Variants in NUP93 observed in about 807,000 individuals in gnomAD.
NUP93 encodes nuclear pore complex protein Nup93.
In NUP93, 55 loss-of-function variants were observed where a neutral mutation model predicts 107.8. The observed-to-expected ratio is 0.51, with a 90% CI of 0.41 to 0.64. The LOEUF is 0.64. Among genes scored for constraint, NUP93 ranks in the 30% least tolerant of loss-of-function variants. NUP93 has a pLI of 0.00. For synonymous variants in NUP93, 390 were observed against 397.5 expected (o/e 0.98, Z 0.22); for missense variants, 937 against 1,044.7 (o/e 0.90, Z 1.42).
At chr16:56,821,653 A>G (rs557682483) in intron 7 of NUP93, 60 bp downstream of exon 7, 54 of 1,104,070 alleles carry the variant, frequency 4.9e-5, no homozygotes, top group African/African-American at 1.4e-4. Context: ...GGGCCTAGCA[A>G]CTTGCCGATT....
At chr16:56,742,690 G>C (rs1356913169) in intron 1 of NUP93, among the ~76,000 whole-genome samples, 3 of 152,180 alleles carry the variant, frequency 2.0e-5, no homozygotes, top group Non-Finnish European at 4.4e-5. Flanking sequence ...AGGATGGATG[G>C]CTCTGAGGCT....
chr16:56,801,415 C>A (rs1407107141), intron 4 of NUP93, among the ~76,000 whole-genome samples: 1 of 151,950 alleles, frequency 6.6e-6, no homozygotes, highest in African/African-American at 2.4e-5. Flanking sequence ...GATATTGGAT[C>A]ATTTATTTAT....
At chr16:56,843,011 T>C (rs1163452205) in intron 21 of NUP93, among the ~76,000 whole-genome samples, 1 of 152,242 alleles carries the variant, frequency 6.6e-6, no homozygotes, top group East Asian at 1.9e-4. Context: ...CTCTTTCCAC[T>C]GTGACCCCAC....
chr16:56,747,838 T>C (rs561979813), intron 1 of NUP93: 1 of 154,842 alleles, frequency 6.5e-6, no homozygotes, highest in South Asian at 2.0e-4. Context: ...AGTGTTTTTC[T>C]AAGATGGGTG....
At chr16:56,790,435 G>A (rs926103496) in intron 3 of NUP93, among the ~76,000 whole-genome samples, 8 of 152,124 alleles carry the variant, frequency 5.3e-5, no homozygotes, top group African/African-American at 1.9e-4. Context: ...GGCGCTCTCC[G>A]TGTAGGCACC....
chr16:56,778,059 G>A (rs1026845795), intron 3 of NUP93, among the ~76,000 whole-genome samples: 24 of 152,126 alleles, frequency 1.6e-4, no homozygotes, highest in African/African-American at 9.7e-5. Flanking sequence ...AGCCAACACC[G>A]ACATTCCTGC....
rs1964157303 is a variant in NUP93, at chr16:56,849,925, T to C, written c.*5316T>C. On this transcript the variant is annotated 3_prime_UTR_variant, in exon 22 of 22. Transcript: ENST00000308159. ...CTGAGCGGGATAATGTGGGCCCCAG[T>C]TGACCTCAGTGGCTGTCATCTACTG... 1 of 152,232 alleles carries C rather than the reference T, an allele frequency of 6.6e-6. No homozygotes were observed. Among genetic ancestry groups the C allele is most frequent in the Non-Finnish European group, 1.5e-5 (1 of 68,044 alleles). The allele number at this position is 152,232 out of a possible 1,614,324, so 9.4% of individuals were successfully genotyped here. A position where few individuals can be genotyped will look rare whatever the true frequency, so the allele number is the denominator to read the frequency against.
intron 3 of NUP93, among the ~76,000 whole-genome samples, chr16:56,790,229 A>T (rs1443541048): frequency 6.6e-6 from 1 of 152,224 alleles, no homozygotes; most frequent in Admixed American, 6.5e-5. Flanking sequence ...TCAGTGTCTC[A>T]TGGGCCTTGT....
In NUP93 at chr16:56,797,830, A is replaced by G. The variant is rs117420365; in HGVS notation, c.298-646A>G. Among the ~76,000 whole-genome samples the G allele has an allele frequency of 5.2e-3, 798 of 152,338 alleles. 3 individuals are homozygous for G. Among genetic ancestry groups the G allele is most frequent in the Admixed American group, 0.014 (207 of 15,302 alleles). On this transcript the variant is annotated intron_variant, in intron 3 of 21. Coordinates refer to ENST00000308159, the MANE Select transcript of NUP93 (RefSeq NM_014669.5). ...CTAGGATTTGAAACTGTCAAATTTCAAAGCCTATCCTTTTGGCCATTGTGT... is the reference window on the plus strand; with the variant it reads ...CTAGGATTTGAAACTGTCAAATTTCGAAGCCTATCCTTTTGGCCATTGTGT...
intron 1 of NUP93, among the ~76,000 whole-genome samples, chr16:56,740,328 C>A (rs1446600159): frequency 1.4e-5 from 2 of 148,042 alleles, no homozygotes; most frequent in South Asian, 4.4e-4. Flanking sequence ...CGGGCAGAGA[C>A]GCTCCTCACC....
intron 1 of NUP93, among the ~76,000 whole-genome samples, chr16:56,738,945 CTTT>C (rs35518694): frequency 1.2e-4 from 16 of 131,824 alleles, no homozygotes; most frequent in Admixed American, 1.5e-4. Context: ...TGCTAAATTT[CTTT>C]TTTTTTTTTT....
intron 5 of NUP93, among the ~76,000 whole-genome samples, chr16:56,809,023 C>A (rs562692558): frequency 1.3e-5 from 2 of 152,106 alleles, no homozygotes; most frequent in East Asian, 3.9e-4. Flanking sequence ...ATCCCCATTC[C>A]TTCTTACAGA....
Position 56,805,566 on chromosome 16 carries a change from A to G in NUP93, c.423A>G (p.Lys141=), listed in dbSNP as rs1229567566. Residue 141 remains lysine (K), a synonymous_variant, in exon 5 of 22, where the codon AAA becomes AAG. Transcript: ENST00000308159. ...TGTTGGTTGAGTGGGAGCAAGTGAAACAGCGAATTCTGCACACACTGCTGG... is the reference window on the plus strand; with the variant it reads ...TGTTGGTTGAGTGGGAGCAAGTGAAGCAGCGAATTCTGCACACACTGCTGG... ...ESMLVEWEQV[K]QRILHTLLAS... is the part of the protein sequence containing the mutation. The G allele has an allele frequency of 6.2e-7, 1 of 1,614,102 alleles. No homozygotes were observed. The highest frequency in any genetic ancestry group is 2.2e-5 in the East Asian group (1 of 44,876).
intron 1 of NUP93, among the ~76,000 whole-genome samples, chr16:56,745,756 T>G (rs1961810964): frequency 6.6e-6 from 1 of 152,190 alleles, no homozygotes; most frequent in Non-Finnish European, 1.5e-5. Context: ...GAGCCCAGTT[T>G]TGGGATATTA....
At chr16:56,741,891 G>A (rs1467943136) in intron 1 of NUP93, 1 of 152,186 alleles carries the variant, frequency 6.6e-6, no homozygotes, top group African/African-American at 2.4e-5. Flanking sequence ...AAATTCTGCA[G>A]GAAAATAGCT....
At position 56,805,760 on chromosome 16, in the gene NUP93, C is replaced by G. The variant is rs972736517; in HGVS notation, c.489+128C>G. 1.1e-5 allele frequency: 12 copies of G among 1,051,702 alleles called. No individual in the cohort carries two copies. In the African/African-American group the frequency reaches 1.9e-4, roughly 17 times the overall value. 65.1% of individuals were successfully genotyped at this position (1,051,702 alleles called of 1,614,324 possible). On this transcript the variant is annotated intron_variant, in intron 5 of 21. Transcript: ENST00000308159. ...CCCTTGAAACACTTTCTTCACTTAGCTTTTAGGATGCCGCATTTGCCTGGA... is the reference window on the plus strand; with the variant it reads ...CCCTTGAAACACTTTCTTCACTTAGGTTTTAGGATGCCGCATTTGCCTGGA...
At chr16:56,818,457 A>G (rs1393348921) in intron 5 of NUP93, among the ~76,000 whole-genome samples, 4 of 152,182 alleles carry the variant, frequency 2.6e-5, no homozygotes, top group Non-Finnish European at 4.4e-5. Context: ...AGTTAATCCA[A>G]TCTCATGCCT....
At chr16:56,811,808 G>C (rs945106082) in intron 5 of NUP93, among the ~76,000 whole-genome samples, 6 of 152,152 alleles carry the variant, frequency 3.9e-5, no homozygotes, top group Admixed American at 6.5e-5. Context: ...GTTACGTAAG[G>C]AATGTAGACT....
At chr16:56,764,591 TAA>T (rs1962185691) in intron 3 of NUP93, among the ~76,000 whole-genome samples, 2 of 152,218 alleles carry the variant, frequency 1.3e-5, no homozygotes, top group Admixed American at 1.3e-4. Flanking sequence ...TTCTGCTCCT[TAA>T]ATGCAGCTAT....
Sources: gnomAD v4.1 joint callset for allele counts (sites outside exome capture counted in the v4.1 genomes callset) on GRCh38, gnomAD v4.1.1 for gene constraint, MANE v1.5 for transcripts, NCBI Gene and HGNC (gene_info 2026-07-23, HGNC 2026-07-21) for gene names.